CCNY: variants seen among roughly 807,000 people sequenced by gnomAD.
CCNY encodes cyclin Y, also known as cyclin-Y.
Under a neutral mutation model 42.8 loss-of-function variants are expected in CCNY, and 19 were observed. The ratio of observed to expected loss-of-function variants is 0.44; its 90% CI spans 0.31 to 0.65. The LOEUF (loss-of-function observed/expected upper bound fraction) is 0.65. CCNY is among the 30% of genes least tolerant of loss of function. The pLI, the probability that CCNY is intolerant of heterozygous loss-of-function variation, is 0.07. For missense variants in CCNY, 370 were observed against 437.3 expected (o/e 0.85, Z 1.37); for synonymous variants, 165 against 162.7 (o/e 1.01, Z -0.11).
chr10:35,539,303 A>C (rs1840948698), intron 7 of CCNY, among the ~76,000 whole-genome samples: 1 of 152,174 alleles, frequency 6.6e-6, no homozygotes, highest in African/African-American at 2.4e-5. Context: ...CACCACCTCA[A>C]AAATTTTGGG....
chr10:35,482,909 A>G (rs1839705321), intron 1 of CCNY, among the ~76,000 whole-genome samples: 1 of 152,164 alleles, frequency 6.6e-6, no homozygotes, highest in African/African-American at 2.4e-5. Context: ...CAAATGGCCG[A>G]TGTGTAGCTT....
At chr10:35,464,755 A>G (rs1195220942) in intron 1 of CCNY, among the ~76,000 whole-genome samples, 7 of 152,256 alleles carry the variant, frequency 4.6e-5, no homozygotes, top group South Asian at 4.1e-4. Context: ...GGGCCTCACC[A>G]TCGTGTTTCT....
At chr10:35,478,486 A>G (rs964839903) in intron 1 of CCNY, among the ~76,000 whole-genome samples, 1 of 152,088 alleles carries the variant, frequency 6.6e-6, no homozygotes, top group African/African-American at 2.4e-5. Flanking sequence ...ATAACGCCGC[A>G]TATCTACAAC....
intron 1 of CCNY, among the ~76,000 whole-genome samples, chr10:35,439,705 T>C (rs1693641066): frequency 6.7e-6 from 1 of 149,064 alleles, no homozygotes; most frequent in African/African-American, 2.6e-5. Flanking sequence ...GTAGGATGAG[T>C]GATTTTTTTT....
chr10:35,447,120 AC>A (rs1319888736), intron 1 of CCNY, among the ~76,000 whole-genome samples: 20 of 152,184 alleles, frequency 1.3e-4, no homozygotes, highest in Non-Finnish European at 2.8e-4. Flanking sequence ...TACTAAAAGT[AC>A]AAAAAATTAG....
chr10:35,400,283 G>GT (rs1189762095), intron 1 of CCNY, among the ~76,000 whole-genome samples: 1 of 149,560 alleles, frequency 6.7e-6, no homozygotes, highest in African/African-American at 2.5e-5. Context: ...GGCGGCGGGG[G>GT]TGGTGGGGTG....
chr10:35,555,604 G>A (rs899188349), intron 8 of CCNY, among the ~76,000 whole-genome samples: 1 of 152,270 alleles, frequency 6.6e-6, no homozygotes, highest in East Asian at 1.9e-4. Context: ...AGATGGAAAC[G>A]AGGCCCTGAG....
chr10:35,418,653 G>A (rs1032646817), intron 1 of CCNY, among the ~76,000 whole-genome samples: 3 of 152,028 alleles, frequency 2.0e-5, no homozygotes, highest in African/African-American at 4.8e-5. Context: ...TGTAGGGGGC[G>A]TATGTGGGGG....
At chr10:35,523,091 C>T (rs1272894463) in intron 4 of CCNY, among the ~76,000 whole-genome samples, 4 of 152,164 alleles carry the variant, frequency 2.6e-5, no homozygotes, top group Non-Finnish European at 5.9e-5. Context: ...ACCTACAATT[C>T]CCAGAGGATA....
At chr10:35,438,174 A>C (rs970514362) in intron 1 of CCNY, among the ~76,000 whole-genome samples, 2 of 149,934 alleles carry the variant, frequency 1.3e-5, no homozygotes, top group African/African-American at 4.9e-5. Flanking sequence ...TTCTGAGGCA[A>C]GGCCTTTTCT....
chr10:35,442,977 ATACTT>A (rs1402156945), intron 1 of CCNY, among the ~76,000 whole-genome samples: 3 of 152,250 alleles, frequency 2.0e-5, no homozygotes, highest in African/African-American at 4.8e-5. Flanking sequence ...ACTGGACTGA[ATACTT>A]TAGGTAATTT....
At chr10:35,359,588 G>A (rs988812874) in intron 1 of CCNY, among the ~76,000 whole-genome samples, 10 of 151,856 alleles carry the variant, frequency 6.6e-5, no homozygotes, top group African/African-American at 9.7e-5. Context: ...CGATCTGCGC[G>A]CCTTGGCCTT....
rs1838509459 is a variant in CCNY at position 35,435,521 on chromosome 10, T to C, written c.155-47883T>C. Among the ~76,000 whole-genome samples the C allele has an allele frequency of 2.6e-5, 4 of 152,326 alleles. No individual in the cohort carries two copies. The South Asian group carries it at 8.3e-4, about 32-fold the overall frequency. On this transcript the variant is annotated intron_variant, in intron 1 of 9. Transcript: ENST00000374704. ...TGGTTCTACCTGAGGATAAGTAATATGAGAGATGATTTCTATACTAAAATA... is the reference window on the plus strand; with the variant it reads ...TGGTTCTACCTGAGGATAAGTAATACGAGAGATGATTTCTATACTAAAATA...
chr10:35,349,709 T>C (rs1479123859), intron 1 of CCNY, among the ~76,000 whole-genome samples: 1 of 152,144 alleles, frequency 6.6e-6, no homozygotes, highest in Non-Finnish European at 1.5e-5. Flanking sequence ...GGCTGCCCTA[T>C]CCATTGCAGG....
At chr10:35,479,320 G>A (rs371069868) in intron 1 of CCNY, among the ~76,000 whole-genome samples, 23 of 149,228 alleles carry the variant, frequency 1.5e-4, no homozygotes, top group East Asian at 5.9e-4. Flanking sequence ...TGTTTATTGC[G>A]GCATTATTCA....
chr10:35,333,214 C>T (rs1402960797), upstream of CCNY, among the ~76,000 whole-genome samples: 1 of 152,062 alleles, frequency 6.6e-6, no homozygotes, highest in Non-Finnish European at 1.5e-5. Flanking sequence ...TCCCCTTCTC[C>T]ACTCCCCTTG....
intron 1 of CCNY, among the ~76,000 whole-genome samples, chr10:35,362,389 A>C (rs984763083): frequency 6.6e-6 from 1 of 152,182 alleles, no homozygotes; most frequent in African/African-American, 2.4e-5. Context: ...GTTCTTGCAA[A>C]TAGAACATTT....
intron 1 of CCNY, among the ~76,000 whole-genome samples, chr10:35,403,545 G>A (rs974780494): frequency 6.6e-6 from 1 of 152,146 alleles, no homozygotes; most frequent in African/African-American, 2.4e-5. Context: ...TCCTTGCAGT[G>A]TATGACTCCA....
intron 1 of CCNY, among the ~76,000 whole-genome samples, chr10:35,367,973 T>C (rs1040863344): frequency 9.2e-5 from 14 of 152,230 alleles, no homozygotes; most frequent in Admixed American, 4.6e-4. Flanking sequence ...GGTGTTTGGC[T>C]CATACTTGGA....
Sources: allele counts gnomAD v4.1 joint callset (sites outside exome capture counted in the v4.1 genomes callset), GRCh38; gene constraint gnomAD v4.1.1; transcripts MANE v1.5; gene names NCBI Gene and HGNC (gene_info 2026-07-23, HGNC 2026-07-21).